Variants in RBFOX1 observed in about 807,000 individuals in gnomAD.
RBFOX1 encodes RNA binding fox-1 homolog 1.
Under a neutral mutation model 57.7 loss-of-function variants are expected in RBFOX1, and 8 were observed. The observed-to-expected ratio is 0.14, with a 90% confidence interval of 0.08 to 0.25. The LOEUF is 0.25. Ranked by LOEUF, RBFOX1 falls within the 10% of genes least tolerant of loss-of-function variation. The probability of loss-of-function intolerance (pLI) is 1.00; values close to 1 mark genes in which losing one functional copy is unlikely to be tolerated. For missense variants in RBFOX1, 611 were observed against 548.5 expected (o/e 1.11, Z -1.14); for synonymous variants, 326 against 222.4 (o/e 1.47, Z -4.15).
At chr16:7,386,845 C>T (rs917063680) in intron 4 of RBFOX1, among the ~76,000 whole-genome samples, 1 of 152,180 alleles carries the variant, frequency 6.6e-6, no homozygotes, top group Non-Finnish European at 1.5e-5. Flanking sequence ...CTCCTACCAA[C>T]AGTGTAAAAG....
intron 3 of RBFOX1, among the ~76,000 whole-genome samples, chr16:5,775,874 C>T (rs566500664): frequency 6.6e-6 from 1 of 152,160 alleles, no homozygotes; most frequent in Non-Finnish European, 1.5e-5. Flanking sequence ...TCGGACGAGT[C>T]AGGGCCAGAC....
In RBFOX1 at chr16:7,460,966, A is replaced by T. The variant is rs141011634; in HGVS notation, c.28-57181A>T. Among the ~76,000 whole-genome samples, 519 of 152,246 alleles carry T rather than the reference A, an allele frequency of 3.4e-3. 2 individuals are homozygous for T. The highest frequency in any genetic ancestry group is 6.1e-3 in the Non-Finnish European group (413 of 68,020). ...CATCAACATGGAATAATCAAGATTG[A>T]TCTCCTTGACATTGTGGAGAAGCTC... On this transcript the variant is annotated intron_variant, in intron 4 of 15. Coordinates refer to ENST00000550418, the MANE Select transcript of RBFOX1 (RefSeq NM_018723.4).
chr16:6,156,208 C>T (rs949870735), intron 1 of RBFOX1, among the ~76,000 whole-genome samples: 2 of 152,206 alleles, frequency 1.3e-5, no homozygotes, highest in South Asian at 4.1e-4. Flanking sequence ...GACCTCTTAG[C>T]ACACATGAAC....
chr16:6,785,477 C>G (rs1165738083), intron 3 of RBFOX1, among the ~76,000 whole-genome samples: 7 of 152,124 alleles, frequency 4.6e-5, no homozygotes, highest in African/African-American at 1.7e-4. Flanking sequence ...GCAATAAAAG[C>G]CATTTGCATC....
At chr16:7,703,362 T>C (rs947965965) in intron 14 of RBFOX1, among the ~76,000 whole-genome samples, 3 of 152,150 alleles carry the variant, frequency 2.0e-5, no homozygotes, top group Non-Finnish European at 4.4e-5. Context: ...CATTTGGCTG[T>C]TTAGGATGTC....
chr16:6,982,817 G>A (rs950175770), intron 3 of RBFOX1, among the ~76,000 whole-genome samples: 1 of 151,868 alleles, frequency 6.6e-6, no homozygotes, highest in South Asian at 2.1e-4. Flanking sequence ...ACATGGCGGA[G>A]CCCTGTCTCT....
intron 3 of RBFOX1, among the ~76,000 whole-genome samples, chr16:5,748,462 T>C (rs1381860844): frequency 6.6e-6 from 1 of 152,192 alleles, no homozygotes; most frequent in Non-Finnish European, 1.5e-5. Flanking sequence ...CTGTCTAATG[T>C]TGACAGTGGG....
At chr16:7,313,311 A>T (rs537831892) in intron 4 of RBFOX1, among the ~76,000 whole-genome samples, 2 of 152,270 alleles carry the variant, frequency 1.3e-5, no homozygotes, top group South Asian at 4.2e-4. Context: ...TGCAATGAGC[A>T]GTTAACACAG....
At chr16:7,120,721 C>T (rs67771107) in intron 4 of RBFOX1, among the ~76,000 whole-genome samples, 24,023 of 148,038 alleles carry the variant, frequency 0.16, 2,210 homozygotes, top group African/African-American at 0.23. Flanking sequence ...TATACACAGT[C>T]TCTTACAGAA....
At chr16:6,421,739 C>A (rs1446710665) in intron 2 of RBFOX1, among the ~76,000 whole-genome samples, 2 of 152,062 alleles carry the variant, frequency 1.3e-5, no homozygotes, top group Non-Finnish European at 2.9e-5. Context: ...GGGGCTTCTC[C>A]ATGTATCTTT....
intron 6 of RBFOX1, among the ~76,000 whole-genome samples, chr16:7,582,730 CT>C (rs974805862): frequency 1.3e-5 from 2 of 152,168 alleles, no homozygotes; most frequent in African/African-American, 4.8e-5. Context: ...TTTTGGTGCT[CT>C]ATCCTGTCTT....
At chr16:6,430,034 G>C (rs2094033424) in intron 2 of RBFOX1, among the ~76,000 whole-genome samples, 3 of 152,056 alleles carry the variant, frequency 2.0e-5, no homozygotes, top group Admixed American at 1.3e-4. Flanking sequence ...CTTGAACCCA[G>C]GTGGTGGAGG....
chr16:5,500,785 A>G (rs1015621801), intron 2 of RBFOX1, among the ~76,000 whole-genome samples: 5 of 152,226 alleles, frequency 3.3e-5, no homozygotes, highest in African/African-American at 1.2e-4. Context: ...ACTTCACCAC[A>G]CAGTTGACTC....
chr16:6,614,012 C>T (rs903247299), intron 2 of RBFOX1, among the ~76,000 whole-genome samples: 6 of 152,172 alleles, frequency 3.9e-5, no homozygotes, highest in Non-Finnish European at 8.8e-5. Flanking sequence ...CAATTACTAA[C>T]CAGAGTTTTT....
At chr16:5,379,166 G>A (rs984188306) in intron 1 of RBFOX1, among the ~76,000 whole-genome samples, 2 of 151,536 alleles carry the variant, frequency 1.3e-5, no homozygotes, top group South Asian at 4.1e-4. Flanking sequence ...AGGGTCATGC[G>A]GGTGCTTCAT....
At chr16:6,737,207 A>G (rs2070636164) in intron 3 of RBFOX1, among the ~76,000 whole-genome samples, 2 of 152,308 alleles carry the variant, frequency 1.3e-5, no homozygotes, top group South Asian at 4.1e-4. Flanking sequence ...TCAAGCAAAA[A>G]ATAACTCAAT....
chr16:5,906,828 G>A (rs1412356179), intron 4 of RBFOX1, among the ~76,000 whole-genome samples: 3 of 140,112 alleles, frequency 2.1e-5, no homozygotes, highest in Admixed American at 8.1e-5. Context: ...TCCACCTCTC[G>A]GGGTCAAGCA....
At chr16:6,600,113 C>G (rs764007058) in intron 2 of RBFOX1, among the ~76,000 whole-genome samples, 1 of 152,160 alleles carries the variant, frequency 6.6e-6, no homozygotes, top group Non-Finnish European at 1.5e-5. Context: ...GCTCATTTTT[C>G]TCACTTCCCT....
intron 4 of RBFOX1, among the ~76,000 whole-genome samples, chr16:7,148,779 A>T (rs1051747565): frequency 1.3e-5 from 2 of 152,208 alleles, no homozygotes; most frequent in African/African-American, 4.8e-5. Flanking sequence ...GCCTGAGACT[A>T]ATCCTGAGTT....
Sources: allele counts gnomAD v4.1 joint callset (sites outside exome capture counted in the v4.1 genomes callset), GRCh38; gene constraint gnomAD v4.1.1; transcripts MANE v1.5; gene names NCBI Gene and HGNC (gene_info 2026-07-23, HGNC 2026-07-21).